MEOX2: variants seen among roughly 807,000 people sequenced by gnomAD.
MEOX2 encodes homeobox protein MOX-2.
MEOX2 carries 11 observed loss-of-function variants against 27.0 expected under a neutral mutation model. The observed-to-expected ratio is 0.41, with a 90% confidence interval of 0.26 to 0.68. The LOEUF (loss-of-function observed/expected upper bound fraction) is 0.68. Among genes scored for constraint, MEOX2 ranks in the 30% least tolerant of loss-of-function variants. MEOX2 has a pLI of 0.33. For synonymous variants in MEOX2, 189 were observed against 155.4 expected (o/e 1.22, Z -1.61); for missense variants, 436 against 385.4 (o/e 1.13, Z -1.10).
chr7:15,686,054 G>GGA lies in MEOX2; in HGVS notation c.348_349insTC (p.Pro117SerfsTer100), dbSNP rs1562619928. The GGA allele has an allele frequency of 6.2e-7, 1 of 1,602,270 alleles. No individual in the cohort carries two copies. Among genetic ancestry groups the GGA allele is most frequent in the Non-Finnish European group, 8.5e-7 (1 of 1,177,056 alleles). ...GGCGGGCTGCTCCCCAACTCTGGGG[G>GGA]CCCTCCAGAGTCGGGCTGGAGGCAG... On this transcript the variant is annotated frameshift_variant, in exon 1 of 3. Transcript: ENST00000262041. LOFTEE classifies it high-confidence loss of function.
At chr7:15,668,535 G>A (rs894228152) in intron 1 of MEOX2, among the ~76,000 whole-genome samples, 2 of 152,042 alleles carry the variant, frequency 1.3e-5, no homozygotes, top group Non-Finnish European at 2.9e-5. Flanking sequence ...AGGCTGGAAT[G>A]CAGTGGCGCT....
At chr7:15,616,370 G>A (rs1264217417) in intron 2 of MEOX2, among the ~76,000 whole-genome samples, 1 of 151,636 alleles carries the variant, frequency 6.6e-6, no homozygotes, top group Admixed American at 6.6e-5. Context: ...TAAAATATTG[G>A]AGTGAATTAA....
At chr7:15,627,866 G>C (rs899858063) in intron 1 of MEOX2, among the ~76,000 whole-genome samples, 1 of 130,596 alleles carries the variant, frequency 7.7e-6, no homozygotes, top group African/African-American at 3.0e-5. Context: ...TAATAACTTA[G>C]GGCAAATTTA....
chr7:15,650,140 C>G (rs543117774), intron 1 of MEOX2, among the ~76,000 whole-genome samples: 1 of 152,036 alleles, frequency 6.6e-6, no homozygotes, highest in African/African-American at 2.4e-5. Flanking sequence ...TTTGGCCATG[C>G]CTTACAAGTC....
At chr7:15,641,949 C>A (rs1781568461) in intron 1 of MEOX2, among the ~76,000 whole-genome samples, 1 of 152,176 alleles carries the variant, frequency 6.6e-6, no homozygotes, top group Admixed American at 6.5e-5. Context: ...CCAATCTCTT[C>A]TGGCCTGTAA....
At chr7:15,633,023 A>T (rs1781425931) in intron 1 of MEOX2, among the ~76,000 whole-genome samples, 1 of 151,926 alleles carries the variant, frequency 6.6e-6, no homozygotes, top group Non-Finnish European at 1.5e-5. Context: ...CCCTGATTAT[A>T]TTAGTTTAAA....
intron 1 of MEOX2, among the ~76,000 whole-genome samples, chr7:15,640,959 T>C (rs1378941899): frequency 6.6e-6 from 1 of 152,166 alleles, no homozygotes; most frequent in Non-Finnish European, 1.5e-5. Flanking sequence ...TGCATCTATG[T>C]TCATCAGAGA....
rs555329059 is a variant in MEOX2 at position 15,653,365 on chromosome 7, A to G, written c.518-26447T>C. ...GTTGAGACTTGAGAGTTCTTTATGT[A>G]TTTTTGATGTTCGTCCTTTATCAGA... On this transcript the variant is annotated intron_variant, in intron 1 of 2. Transcript: ENST00000262041. 8.6e-5 allele frequency among the ~76,000 whole-genome samples: 13 copies of G among 151,952 alleles called. No homozygotes were observed. In the East Asian group the frequency reaches 2.5e-3, roughly 29 times the overall value.
chr7:15,651,631 C>G (rs1335755675), intron 1 of MEOX2, among the ~76,000 whole-genome samples: 1 of 152,086 alleles, frequency 6.6e-6, no homozygotes, highest in South Asian at 2.1e-4. Context: ...CCAGGTCACA[C>G]AGCCAGCAAA....
At chr7:15,664,338 C>T (rs930239443) in intron 1 of MEOX2, among the ~76,000 whole-genome samples, 2 of 152,120 alleles carry the variant, frequency 1.3e-5, no homozygotes, top group African/African-American at 4.8e-5. Flanking sequence ...CTTTTTCTTA[C>T]ATCTTACCTG....
At chr7:15,659,114 C>G (rs1044676316) in intron 1 of MEOX2, among the ~76,000 whole-genome samples, 2 of 152,168 alleles carry the variant, frequency 1.3e-5, no homozygotes, top group African/African-American at 4.8e-5. Context: ...ATCCTCCTAC[C>G]TGAGCTTCCC....
chr7:15,639,248 A>T (rs1292479890), intron 1 of MEOX2, among the ~76,000 whole-genome samples: 2 of 151,996 alleles, frequency 1.3e-5, no homozygotes, highest in African/African-American at 4.8e-5. Flanking sequence ...GCATGTTTTC[A>T]TATGTTTATT....
intron 1 of MEOX2, among the ~76,000 whole-genome samples, chr7:15,644,743 T>C (rs1781616743): frequency 6.6e-6 from 1 of 152,214 alleles, no homozygotes; most frequent in Non-Finnish European, 1.5e-5. Flanking sequence ...TGAATCTTTT[T>C]CTGGAGTAAT....
At chr7:15,665,156 A>C (rs1025890895) in intron 1 of MEOX2, among the ~76,000 whole-genome samples, 6 of 152,180 alleles carry the variant, frequency 3.9e-5, no homozygotes. Flanking sequence ...AATGTTACAC[A>C]TTTTGGCAAA....
intron 1 of MEOX2, among the ~76,000 whole-genome samples, chr7:15,667,303 A>AAAAAAAAAAAAAAAAAAAAAAAAAT (rs1562612186): frequency 6.8e-6 from 1 of 147,920 alleles, no homozygotes; most frequent in East Asian, 2.0e-4. Context: ...AAAAAAAAAA[A>AAAAAAAAAAAAAAAAAAAAAAAAAT]AAAAAAAAAG....
chr7:15,673,431 T>C (rs1451900873), intron 1 of MEOX2, among the ~76,000 whole-genome samples: 1 of 151,980 alleles, frequency 6.6e-6, no homozygotes, highest in Non-Finnish European at 1.5e-5. Flanking sequence ...AAAATAAATC[T>C]GGCAGGCGTC....
chr7:15,612,321 A>T lies in MEOX2; in HGVS notation c.*66T>A. ...CCATAGTCATCTCTCTGTGTAAACGATATTTGGGTAAGGCTTGCCATCACA... is the reference window on the plus strand; with the variant it reads ...CCATAGTCATCTCTCTGTGTAAACGTTATTTGGGTAAGGCTTGCCATCACA... On this transcript the variant is annotated 3_prime_UTR_variant, in exon 3 of 3. Coordinates refer to ENST00000262041, the MANE Select transcript of MEOX2 (RefSeq NM_005924.5). The T allele has an allele frequency of 8.0e-7, 1 of 1,253,186 alleles. No homozygotes were observed. The highest frequency in any genetic ancestry group is 1.7e-5 in the Admixed American group (1 of 59,032). 77.6% of individuals were successfully genotyped at this position (1,253,186 alleles called of 1,614,324 possible). A position where few individuals can be genotyped will look rare whatever the true frequency, so the allele number is the denominator to read the frequency against.
chr7:15,623,263 T>C (rs1781247901), intron 2 of MEOX2, among the ~76,000 whole-genome samples: 2 of 152,184 alleles, frequency 1.3e-5, no homozygotes, highest in Non-Finnish European at 2.9e-5. Context: ...CCTTCAAGAA[T>C]AGCAAAGTTG....
intron 1 of MEOX2, chr7:15,680,381 A>G (rs558472819): frequency 5.9e-5 from 9 of 152,106 alleles, no homozygotes; most frequent in Admixed American, 2.6e-4. Context: ...AATGGGCATC[A>G]GATTTAGATT....
Sources: gnomAD v4.1 joint callset for allele counts (sites outside exome capture counted in the v4.1 genomes callset) on GRCh38, gnomAD v4.1.1 for gene constraint, MANE v1.5 for transcripts, NCBI Gene and HGNC (gene_info 2026-07-23, HGNC 2026-07-21) for gene names.